Variants in PLEKHG4B observed in about 807,000 individuals in gnomAD.
PLEKHG4B encodes the protein pleckstrin homology domain-containing family G member 4B.
Under a neutral mutation model 121.3 loss-of-function variants are expected in PLEKHG4B, and 111 were observed. The ratio of observed to expected loss-of-function variants is 0.92; its 90% CI spans 0.78 to 1.07. The LOEUF is 1.07. PLEKHG4B is among the 50% of genes least tolerant of loss of function. The pLI is 0.00. For synonymous variants in PLEKHG4B, 738 were observed against 725.0 expected (o/e 1.02, Z -0.29); for missense variants, 1,831 against 1,757.8 (o/e 1.04, Z -0.74).
At chr5:124,039 G>T (rs1450711735) in intron 2 of PLEKHG4B, among the ~76,000 whole-genome samples, 1 of 152,024 alleles carries the variant, frequency 6.6e-6, no homozygotes, top group East Asian at 1.9e-4. Flanking sequence ...CCCGTAAGTT[G>T]TAATATGTTG....
rs144428145 is a variant in PLEKHG4B, at chr5:108,919, C to T, written c.46-4332C>T. Among the ~76,000 whole-genome samples, 544 of 152,328 alleles carry T rather than the reference C, an allele frequency of 3.6e-3. 6 individuals are homozygous for T. The highest frequency in any genetic ancestry group is 5.9e-3 in the Non-Finnish European group (403 of 68,036). On this transcript the variant is annotated intron_variant, in intron 1 of 19. Coordinates refer to ENST00000637938, the MANE Select transcript of PLEKHG4B (RefSeq NM_052909.5). ...GATGGGCACGGGTACCTGGGCCAGA[C>T]GCCAGGAGCCATCACTGGGTCCTGA...
chr5:117,618 C>T (rs981256291), intron 2 of PLEKHG4B, among the ~76,000 whole-genome samples: 3 of 152,048 alleles, frequency 2.0e-5, no homozygotes, highest in Non-Finnish European at 2.9e-5. Context: ...TTTGGGAGGC[C>T]GAGGAGGGTG....
chr5:148,004 A>G (rs762413715), intron 6 of PLEKHG4B, among the ~76,000 whole-genome samples: 6 of 152,234 alleles, frequency 3.9e-5, no homozygotes, highest in South Asian at 2.1e-4. Context: ...TGATGCCAAA[A>G]AAAAAGCATT....
At chr5:145,165 G>A (rs1735364964) in intron 6 of PLEKHG4B, among the ~76,000 whole-genome samples, 1 of 152,216 alleles carries the variant, frequency 6.6e-6, no homozygotes, top group African/African-American at 2.4e-5. Context: ...GGGACTTGGG[G>A]AAGCTTCATG....
chr5:182,091 G>A lies in PLEKHG4B; in HGVS notation c.4652G>A (p.Ser1551Asn). Residue 1551 changes from serine to asparagine, a missense_variant, in exon 20 of 20, where the codon AGC becomes AAC. Coordinates refer to ENST00000637938, the MANE Select transcript of PLEKHG4B (RefSeq NM_052909.5). ...CCACACTCCACCATCTCAGACAGCA[G>A]CACCTCCTCTTCTAGCAGCCAGTCC... ...KRPHSTISDS[S>N]TSSSSSQSSS... 3.7e-6 allele frequency: 6 copies of A among 1,614,168 alleles called. No individual in the cohort carries two copies. Among genetic ancestry groups the A allele is most frequent in the Non-Finnish European group, 5.1e-6 (6 of 1,180,040 alleles).
chr5:134,411 C>T (rs1455886307), intron 2 of PLEKHG4B, among the ~76,000 whole-genome samples: 1 of 151,658 alleles, frequency 6.6e-6, no homozygotes, highest in African/African-American at 2.4e-5. Context: ...CAGAAATCAC[C>T]ACTAAAGAAA....
At chr5:107,266 G>T (rs1301601631) in intron 1 of PLEKHG4B, among the ~76,000 whole-genome samples, 1 of 152,192 alleles carries the variant, frequency 6.6e-6, no homozygotes, top group Non-Finnish European at 1.5e-5. Flanking sequence ...CTTGATGTTT[G>T]CTGTCAGGGA....
intron 11 of PLEKHG4B, among the ~76,000 whole-genome samples, chr5:160,513 C>G (rs1323882881): frequency 6.6e-6 from 1 of 152,170 alleles, no homozygotes; most frequent in Non-Finnish European, 1.5e-5. Context: ...GCTGGACATT[C>G]TCTTCACACG....
chr5:152,944 C>T (rs1340054080), intron 7 of PLEKHG4B, among the ~76,000 whole-genome samples: 1 of 152,204 alleles, frequency 6.6e-6, no homozygotes, highest in African/African-American at 2.4e-5. Context: ...TTGCCTTCTG[C>T]CATGATTGTA....
At chr5:167,416 A>G (rs907022072) in intron 13 of PLEKHG4B, among the ~76,000 whole-genome samples, 1 of 148,460 alleles carries the variant, frequency 6.7e-6, no homozygotes, top group Admixed American at 6.8e-5. Flanking sequence ...TCCAACTTAA[A>G]AAACAAGTAA....
In PLEKHG4B at chr5:171,291, C is replaced by T. The variant is rs373805062; in HGVS notation, c.3897C>T (p.Tyr1299=). 4.5e-5 allele frequency: 73 copies of T among 1,612,228 alleles called. 1 individual carries two copies. Among genetic ancestry groups the T allele is most frequent in the Admixed American group, 2.7e-4 (16 of 59,958 alleles). The change falls in exon 16 of 20, where the codon TAC becomes TAT. Residue 1299 remains tyrosine, a synonymous_variant. Coordinates refer to ENST00000637938, the MANE Select transcript of PLEKHG4B (RefSeq NM_052909.5). ...LLRPVQRVAK[Y]ALLLQDLLKE... is the part of the protein sequence containing the mutation. The stretch of plus-strand genomic sequence containing the variant: ...GGCCCGTGCAGCGTGTGGCCAAGTA[C>T]GCGCTGCTACTCCAGGACCTGCTCA...
At chr5:135,645 G>A (rs1262524136) in intron 2 of PLEKHG4B, among the ~76,000 whole-genome samples, 30 of 100,338 alleles carry the variant, frequency 3.0e-4, no homozygotes, top group African/African-American at 9.1e-4. Context: ...CAGCCTGGGC[G>A]ACAAAGCAAG....
rs1180602303 is a variant in PLEKHG4B, at chr5:181,633, G to C, written c.4522G>C (p.Val1508Leu). 1 of 1,613,884 alleles carries C rather than the reference G, an allele frequency of 6.2e-7. No individual in the cohort carries two copies. Residue 1508 changes from valine (V) to leucine (L), a missense_variant, in exon 19 of 20, where the codon GTG (valine) becomes CTG (leucine). By Grantham distance (32) the Val-to-Leu change is conservative. Coordinates refer to ENST00000637938, the MANE Select transcript of PLEKHG4B (RefSeq NM_052909.5). ...AAGCGACCGGGCTCCCAAATGTGCAGTGATGAGCGACCGAGTCCCCGACAG... is the reference window on the plus strand; with the variant it reads ...AAGCGACCGGGCTCCCAAATGTGCACTGATGAGCGACCGAGTCCCCGACAG... Reference protein sequence around the residue: ...VISDRAPKCAVMSDRVPDSIV... With the variant: ...VISDRAPKCALMSDRVPDSIV...
chr5:163,624 A>T (rs1324877786), intron 13 of PLEKHG4B, 76 bp downstream of exon 13: 4 of 1,235,596 alleles, frequency 3.2e-6, no homozygotes, highest in Non-Finnish European at 4.4e-6. Context: ...TAGGCAGTAA[A>T]CTCTCTTCTG....
chr5:178,141 TC>T (rs1448280720), intron 18 of PLEKHG4B, among the ~76,000 whole-genome samples: 1 of 152,254 alleles, frequency 6.6e-6, no homozygotes, highest in African/African-American at 2.4e-5. Flanking sequence ...AAGGTCACAT[TC>T]TACCATTTTG....
At chr5:165,670 G>A (rs1309660504) in intron 13 of PLEKHG4B, among the ~76,000 whole-genome samples, 1 of 42,560 alleles carries the variant, frequency 2.3e-5, no homozygotes. Flanking sequence ...ATGCTCTGAC[G>A]GGGCGGGGCT....
chr5:130,938 A>C (rs1734760131), intron 2 of PLEKHG4B, among the ~76,000 whole-genome samples: 1 of 152,172 alleles, frequency 6.6e-6, no homozygotes, highest in African/African-American at 2.4e-5. Context: ...CAGAATTGTG[A>C]ATTGTATTGA....
chr5:92,532 G>GCA (rs1318563941), intron 1 of PLEKHG4B, among the ~76,000 whole-genome samples: 3 of 139,840 alleles, frequency 2.1e-5, no homozygotes, highest in African/African-American at 8.1e-5. Flanking sequence ...GGGCGGGCGC[G>GCA]GGGACTGGGG....
intron 18 of PLEKHG4B, 74 bp downstream of exon 18, chr5:174,172 G>A: frequency 8.4e-7 from 1 of 1,188,406 alleles, no homozygotes; most frequent in South Asian, 1.5e-5. Flanking sequence ...GCTGGGACTG[G>A]GGTGAGAGCC....
Sources: gnomAD v4.1 joint callset for allele counts (sites outside exome capture counted in the v4.1 genomes callset) on GRCh38, gnomAD v4.1.1 for gene constraint, MANE v1.5 for transcripts, NCBI Gene and HGNC (gene_info 2026-07-23, HGNC 2026-07-21) for gene names.